Variants in GOLPH3L observed in about 807,000 individuals in gnomAD.
The protein encoded by GOLPH3L is Golgi phosphoprotein 3-like.
A neutral mutation model predicts 30.3 loss-of-function variants in GOLPH3L; 22 were observed. That is an observed-to-expected ratio of 0.73 (90% CI 0.52 to 1.04). GOLPH3L has a LOEUF of 1.04. GOLPH3L is among the 50% of genes least tolerant of loss of function. GOLPH3L has a pLI of 0.00. For synonymous variants in GOLPH3L, 120 were observed against 128.2 expected, an observed-to-expected ratio of 0.94 and a Z score of 0.43; for missense variants, 303 against 345.8, an observed-to-expected ratio of 0.88 and a Z score of 0.98.
chr1:150,659,320 C>T (rs1650317841), intron 4 of GOLPH3L, among the ~76,000 whole-genome samples: 1 of 152,158 alleles, frequency 6.6e-6, no homozygotes. Flanking sequence ...CTTGTGATGG[C>T]CTTGATGCCC....
rs1557778718 is a variant in GOLPH3L, at chr1:150,649,808, A to T, written c.431-1060T>A. On this transcript the variant is annotated intron_variant, in intron 4 of 4. Transcript: ENST00000271732. ...GCTGAACAATAAGCTACCCTAACTCAGAGGCAACTCCTAGAAAGCTAAGCT... is the reference window on the plus strand; with the variant it reads ...GCTGAACAATAAGCTACCCTAACTCTGAGGCAACTCCTAGAAAGCTAAGCT... Among the ~76,000 whole-genome samples, 3 of 152,100 alleles carry T rather than the reference A, an allele frequency of 2.0e-5. No homozygotes were observed. The South Asian group carries it at 6.2e-4, about 32-fold the overall frequency.
rs756007329 is a variant in GOLPH3L at position 150,646,944 on chromosome 1, C to T, written c.*1377G>A. ...TTTCTTAATAAAGCTTCTCATTGCC[C>T]TCACTACTGAAGTAAAAAACGTGTT... On this transcript the variant is annotated 3_prime_UTR_variant, in exon 5 of 5. Coordinates refer to ENST00000271732, the MANE Select transcript of GOLPH3L (RefSeq NM_018178.6). The T allele has an allele frequency of 4.6e-5, 7 of 152,164 alleles. No individual in the cohort carries two copies. The highest frequency in any genetic ancestry group is 1.0e-4 in the Non-Finnish European group (7 of 68,038). 9.4% of individuals were successfully genotyped at this position (152,164 alleles called of 1,614,324 possible). A position where few individuals can be genotyped will look rare whatever the true frequency, so the allele number is the denominator to read the frequency against.
chr1:150,682,689 G>T (rs1015300174), intron 2 of GOLPH3L, among the ~76,000 whole-genome samples: 3 of 142,088 alleles, frequency 2.1e-5, no homozygotes, highest in Non-Finnish European at 4.6e-5. Flanking sequence ...ATTTCTTAGG[G>T]TAAATGTATT....
intron 2 of GOLPH3L, among the ~76,000 whole-genome samples, chr1:150,682,894 A>G (rs899763858): frequency 1.3e-5 from 2 of 152,186 alleles, no homozygotes; most frequent in African/African-American, 2.4e-5. Flanking sequence ...AAACAGAGAA[A>G]ATAAAGAATA....
At chr1:150,669,996 C>T (rs587638343) in intron 2 of GOLPH3L, among the ~76,000 whole-genome samples, 3 of 148,324 alleles carry the variant, frequency 2.0e-5, no homozygotes, top group African/African-American at 7.5e-5. Context: ...CGTGGTCGCT[C>T]AGGACTGTAA....
rs118142243 is a variant in GOLPH3L at position 150,669,584 on chromosome 1, A to C, written c.184-5821T>G. ...AAGAAAATTTTAGGACCTACCCAAC[A>C]CAGATGGAATTGCACATTGTCTCAT... On this transcript the variant is annotated intron_variant, in intron 2 of 4. Transcript: ENST00000271732. Among the ~76,000 whole-genome samples the C allele has an allele frequency of 3.8e-4, 58 of 152,330 alleles. 1 individual carries two copies. The East Asian group carries it at 0.011, about 28-fold the overall frequency.
At chr1:150,650,681 G>A (rs587708212) in intron 4 of GOLPH3L, among the ~76,000 whole-genome samples, 2 of 152,250 alleles carry the variant, frequency 1.3e-5, no homozygotes, top group Admixed American at 6.5e-5. Flanking sequence ...GAATCATACC[G>A]AAACCATCCC....
chr1:150,681,394 G>C (rs1557787803), intron 2 of GOLPH3L, among the ~76,000 whole-genome samples: 2 of 152,156 alleles, frequency 1.3e-5, no homozygotes, highest in African/African-American at 2.4e-5. Flanking sequence ...TATGATAAAT[G>C]CAAGAGAATT....
At chr1:150,655,519 A>G (rs1650218886) in intron 4 of GOLPH3L, among the ~76,000 whole-genome samples, 1 of 152,218 alleles carries the variant, frequency 6.6e-6, no homozygotes, top group African/African-American at 2.4e-5. Flanking sequence ...CAAGGTTTGA[A>G]GGAACCACTT....
chr1:150,691,650 C>T (rs587628920), intron 2 of GOLPH3L, among the ~76,000 whole-genome samples: 64 of 152,266 alleles, frequency 4.2e-4, no homozygotes, highest in Non-Finnish European at 8.5e-4. Flanking sequence ...CTATCCCTTA[C>T]AAAAAGATAA....
intron 4 of GOLPH3L, among the ~76,000 whole-genome samples, chr1:150,654,522 A>G (rs1050811759): frequency 2.0e-5 from 3 of 152,122 alleles, no homozygotes; most frequent in Non-Finnish European, 4.4e-5. Context: ...AAAAAAAACA[A>G]AAAAACAAAA....
intron 2 of GOLPH3L, among the ~76,000 whole-genome samples, chr1:150,665,707 T>C (rs889357677): frequency 6.6e-6 from 1 of 151,994 alleles, no homozygotes; most frequent in Admixed American, 6.6e-5. Context: ...TCATCATCAT[T>C]ATTATTTTAT....
intron 2 of GOLPH3L, among the ~76,000 whole-genome samples, chr1:150,682,065 A>AC (rs1650966207): frequency 7.8e-6 from 1 of 127,546 alleles, no homozygotes; most frequent in Non-Finnish European, 1.8e-5. Flanking sequence ...AATGTCTCAA[A>AC]GAAAAAAAAA....
At chr1:150,655,547 T>C (rs1650219541) in intron 4 of GOLPH3L, among the ~76,000 whole-genome samples, 1 of 152,190 alleles carries the variant, frequency 6.6e-6, no homozygotes, top group Non-Finnish European at 1.5e-5. Flanking sequence ...AAAGACAAAG[T>C]TCCTGCCAAG....
chr1:150,648,529 C>T lies in GOLPH3L; in HGVS notation c.650G>A (p.Arg217His), dbSNP rs200254348. 5.6e-5 allele frequency: 91 copies of T among 1,613,648 alleles called. No individual in the cohort carries two copies. Among genetic ancestry groups the T allele is most frequent in the South Asian group, 8.8e-5 (8 of 91,068 alleles). Residue 217 changes from arginine to histidine, a missense_variant, in exon 5 of 5, where the codon CGT becomes CAT. Arg to His is a conservative substitution (Grantham distance 29). Coordinates refer to ENST00000271732, the MANE Select transcript of GOLPH3L (RefSeq NM_018178.6). ...VLERWVNDPQRMDKRTLALLV... is the reference protein window; with the variant it reads ...VLERWVNDPQHMDKRTLALLV... ...GAGTGCTAGTGTTCGCTTGTCCATACGCTGAGGGTCATTTACCCACCGCTC... is the reference window on the plus strand; with the variant it reads ...GAGTGCTAGTGTTCGCTTGTCCATATGCTGAGGGTCATTTACCCACCGCTC...
intron 2 of GOLPH3L, among the ~76,000 whole-genome samples, chr1:150,682,564 A>G (rs1233147467): frequency 3.2e-5 from 4 of 124,814 alleles, no homozygotes; most frequent in African/African-American, 1.2e-4. Context: ...GGGGAAGGTG[A>G]GGCTTCAGTG....
chr1:150,675,779 CAAAAAAA>C (rs58158655), intron 2 of GOLPH3L, among the ~76,000 whole-genome samples: 4 of 49,262 alleles, frequency 8.1e-5, no homozygotes, highest in Admixed American at 3.8e-4. Flanking sequence ...GACTCTGTCT[CAAAAAAA>C]AAAAAAAAAA....
At chr1:150,685,903 C>G (rs1268695055) in intron 2 of GOLPH3L, among the ~76,000 whole-genome samples, 1 of 123,256 alleles carries the variant, frequency 8.1e-6, no homozygotes, top group Non-Finnish European at 1.6e-5. Context: ...GAGACAGAGT[C>G]TTGCTCTGTT....
intron 2 of GOLPH3L, among the ~76,000 whole-genome samples, chr1:150,687,936 C>T (rs12403255): frequency 0.39 from 58,566 of 151,930 alleles, 11,602 homozygotes; most frequent in South Asian, 0.55. Context: ...CTGGATTAAA[C>T]TATATGCAAC....
Sources: gnomAD v4.1 joint callset for allele counts (sites outside exome capture counted in the v4.1 genomes callset) on GRCh38, gnomAD v4.1.1 for gene constraint, MANE v1.5 for transcripts, NCBI Gene and HGNC (gene_info 2026-07-23, HGNC 2026-07-21) for gene names.